The following PCSK5 variants were observed in gnomAD, a reference collection of about 807,000 sequenced individuals.
PCSK5 encodes proprotein convertase subtilisin/kexin type 5.
Under a neutral mutation model 233.2 loss-of-function variants are expected in PCSK5, and 129 were observed. The observed-to-expected ratio is 0.55, with a 90% confidence interval of 0.48 to 0.64. PCSK5 has a LOEUF of 0.64. Ranked by LOEUF, PCSK5 falls within the 30% of genes least tolerant of loss-of-function variation. PCSK5 has a pLI of 0.00. For missense variants in PCSK5, 2,076 were observed against 2,430.1 expected (o/e 0.85, Z 3.06); for synonymous variants, 825 against 879.2 (o/e 0.94, Z 1.09).
intron 7 of PCSK5, among the ~76,000 whole-genome samples, chr9:76,089,068 C>A (rs1294245725): frequency 6.6e-6 from 1 of 151,226 alleles, no homozygotes; most frequent in Middle Eastern, 3.3e-3. Flanking sequence ...AAAATAGGAA[C>A]AGTTCTTTAT....
In PCSK5 at chr9:76,165,339, TATATG is replaced by T. The variant is rs560306625; in HGVS notation, c.1620-4361_1620-4357del. Among the ~76,000 whole-genome samples, 24 of 152,322 alleles carry T rather than the reference TATATG, an allele frequency of 1.6e-4. 1 individual carries two copies. The South Asian group carries it at 5.0e-3, about 32-fold the overall frequency. On this transcript the variant is annotated intron_variant, in intron 12 of 37. Coordinates refer to ENST00000674117, the MANE Select transcript of PCSK5 (RefSeq NM_001372043.1). ...ATCCATTTACAATTTTAGAAATAAT[TATATG>T]ATAACACATAGCTGTCAGTATTTAT...
intron 32 of PCSK5, 41 bp from the exon 33 acceptor site, chr9:76,327,968 G>A (rs764135344): frequency 7.6e-7 from 1 of 1,309,254 alleles, no homozygotes; most frequent in Non-Finnish European, 1.1e-6. Flanking sequence ...GGGCCACCCT[G>A]GCTCTCGCTC....
chr9:75,944,939 A>G (rs888495072), intron 2 of PCSK5, among the ~76,000 whole-genome samples: 3 of 151,878 alleles, frequency 2.0e-5, no homozygotes, highest in African/African-American at 4.8e-5. Flanking sequence ...GAGAAACACC[A>G]TCTCTACTAA....
intron 32 of PCSK5, among the ~76,000 whole-genome samples, chr9:76,323,915 G>T (rs911473704): frequency 6.8e-6 from 1 of 146,048 alleles, no homozygotes; most frequent in Non-Finnish European, 1.5e-5. Context: ...GGTGCCTCTT[G>T]TCTCCCTTCC....
intron 5 of PCSK5, among the ~76,000 whole-genome samples, chr9:76,049,189 A>G (rs1829534811): frequency 6.6e-6 from 1 of 152,150 alleles, no homozygotes; most frequent in African/African-American, 2.4e-5. Flanking sequence ...TACTTGGCCC[A>G]TTGCAGAAAA....
chr9:76,246,461 T>C (rs973134351), intron 24 of PCSK5, among the ~76,000 whole-genome samples: 2 of 151,698 alleles, frequency 1.3e-5, no homozygotes, highest in African/African-American at 4.8e-5. Context: ...CAATCACCAC[T>C]GTTATTGCTT....
chr9:76,233,679 CT>C, intron 22 of PCSK5, 83 bp downstream of exon 22: 1 of 1,303,942 alleles, frequency 7.7e-7, no homozygotes, highest in Non-Finnish European at 1.1e-6. Context: ...ACCCAAAAGC[CT>C]TGTGTCTGGG....
intron 2 of PCSK5, among the ~76,000 whole-genome samples, chr9:75,941,135 G>T (rs979377604): frequency 3.9e-5 from 6 of 152,194 alleles, no homozygotes; most frequent in African/African-American, 1.4e-4. Flanking sequence ...CCTCCTTCCA[G>T]CGGGCGCTCC....
intron 9 of PCSK5, among the ~76,000 whole-genome samples, chr9:76,113,798 G>T (rs1337282979): frequency 6.6e-6 from 1 of 151,994 alleles, no homozygotes; most frequent in Non-Finnish European, 1.5e-5. Flanking sequence ...ACACATTTTA[G>T]TATAAAATGT....
At position 76,240,645 on chromosome 9, in the gene PCSK5, T is replaced by C. The variant is rs954767784; in HGVS notation, c.3103T>C (p.Cys1035Arg). ...GEVQDPDYEE[C>R]VPCEEGCLGC... is the part of the protein sequence containing the mutation. ...AGTCCAAGACCCAGACTATGAAGAA[T>C]GTGTCCCTTGTGAAGAAGGATGTCT... Residue 1035 changes from cysteine to arginine, a missense_variant, in exon 24 of 38, where the codon TGT becomes CGT. Transcript: ENST00000674117. 6 of 1,580,634 alleles carry C rather than the reference T, an allele frequency of 3.8e-6. No homozygotes were observed. The highest frequency in any genetic ancestry group is 2.3e-5 in the East Asian group (1 of 44,088).
intron 10 of PCSK5, among the ~76,000 whole-genome samples, chr9:76,138,970 A>AT (rs5898453): frequency 1.7e-4 from 25 of 148,860 alleles, no homozygotes; most frequent in Admixed American, 2.0e-4. Flanking sequence ...AAACTACTAG[A>AT]TTTTTTTTTT....
intron 5 of PCSK5, among the ~76,000 whole-genome samples, chr9:76,059,128 A>G (rs1322443841): frequency 6.6e-6 from 1 of 152,258 alleles, no homozygotes; most frequent in Non-Finnish European, 1.5e-5. Flanking sequence ...AATGCAGCCC[A>G]GAGAGAGAAG....
At chr9:76,051,599 C>CA (rs553624468) in intron 5 of PCSK5, among the ~76,000 whole-genome samples, 75 of 142,990 alleles carry the variant, frequency 5.2e-4, no homozygotes, top group Middle Eastern at 3.6e-3. Flanking sequence ...GACAGATGTC[C>CA]AAAAAAAAAA....
At chr9:76,222,796 T>C (rs928130980) in intron 20 of PCSK5, among the ~76,000 whole-genome samples, 16 of 152,200 alleles carry the variant, frequency 1.1e-4, no homozygotes, top group Admixed American at 9.8e-4. Flanking sequence ...GAAAAACAAC[T>C]GATTTCATTA....
chr9:75,973,581 C>T (rs1825891420), intron 2 of PCSK5, among the ~76,000 whole-genome samples: 1 of 152,194 alleles, frequency 6.6e-6, no homozygotes. Context: ...ACCTTGGCCT[C>T]CTGGATCTCC....
chr9:76,310,959 C>G, intron 30 of PCSK5, 108 bp downstream of exon 30: 1 of 748,722 alleles, frequency 1.3e-6, no homozygotes. Flanking sequence ...TCTACGAGCA[C>G]CCACATAAAT....
At chr9:76,047,140 A>G (rs1030307124) in intron 5 of PCSK5, among the ~76,000 whole-genome samples, 19 of 150,236 alleles carry the variant, frequency 1.3e-4, no homozygotes, top group African/African-American at 4.4e-4. Context: ...TCTGTCGCCC[A>G]TGCTGGAGTG....
In PCSK5 at chr9:76,323,125, G is replaced by A. The variant is rs771635670; in HGVS notation, c.4176G>A (p.Ser1392=). Residue 1392 remains serine (S), a synonymous_variant, in exon 32 of 38, where the codon TCG becomes TCA. Transcript: ENST00000674117. The part of the protein sequence containing the change: ...QSCPRGFYAD[S]RHCVPCHKDC... The stretch of plus-strand genomic sequence containing the variant: ...GTCCCCGTGGCTTCTATGCAGACTC[G>A]CGCCACTGTGTCCCCTGCCATAAAG... The A allele has an allele frequency of 4.0e-5, 65 of 1,611,630 alleles. No homozygotes were observed. The African/African-American group carries it at 4.4e-4, about 11-fold the overall frequency.
chr9:76,032,249 C>T (rs182589329), intron 5 of PCSK5, among the ~76,000 whole-genome samples: 2 of 152,242 alleles, frequency 1.3e-5, no homozygotes, highest in East Asian at 3.9e-4. Context: ...TACTTGCCTG[C>T]GTTTGTTTAT....
Sources: gnomAD v4.1 joint callset for allele counts (sites outside exome capture counted in the v4.1 genomes callset) on GRCh38, gnomAD v4.1.1 for gene constraint, MANE v1.5 for transcripts, NCBI Gene and HGNC (gene_info 2026-07-23, HGNC 2026-07-21) for gene names.